Variants in EEFSEC observed in about 807,000 individuals in gnomAD.
The protein encoded by EEFSEC is selenocysteine-specific elongation factor.
A neutral mutation model predicts 42.1 loss-of-function variants in EEFSEC; 43 were observed. That is an observed-to-expected ratio of 1.02 (90% CI 0.80 to 1.32). EEFSEC has a LOEUF of 1.32. Ranked by LOEUF, EEFSEC falls within the 40% of genes most tolerant of loss-of-function variation. EEFSEC has a pLI of 0.00. For synonymous variants in EEFSEC, 354 were observed against 339.1 expected (o/e 1.04, Z -0.48); for missense variants, 745 against 803.6 (o/e 0.93, Z 0.88).
intron 1 of EEFSEC, among the ~76,000 whole-genome samples, chr3:128,204,727 T>G (rs537638161): frequency 2.6e-5 from 4 of 152,142 alleles, no homozygotes; most frequent in Admixed American, 6.5e-5. Flanking sequence ...GGATGCCGCC[T>G]TCCCCAGGGC....
At chr3:128,354,193 C>T (rs1365008960) in intron 5 of EEFSEC, among the ~76,000 whole-genome samples, 1 of 152,164 alleles carries the variant, frequency 6.6e-6, no homozygotes, top group South Asian at 2.1e-4. Context: ...CCTGCCCTCA[C>T]GGTGCCTCCC....
intron 1 of EEFSEC, among the ~76,000 whole-genome samples, chr3:128,200,180 C>G (rs1328687172): frequency 6.6e-6 from 1 of 152,222 alleles, no homozygotes; most frequent in Non-Finnish European, 1.5e-5. Context: ...AGTCTAGCTT[C>G]AAGATCAGTC....
chr3:128,205,872 CA>C (rs1307322848), intron 1 of EEFSEC, among the ~76,000 whole-genome samples: 2 of 152,186 alleles, frequency 1.3e-5, no homozygotes, highest in Non-Finnish European at 2.9e-5. Flanking sequence ...TAGTGCATTA[CA>C]ATTATATGCC....
At chr3:128,284,484 G>A (rs1241249759) in intron 4 of EEFSEC, among the ~76,000 whole-genome samples, 4 of 152,074 alleles carry the variant, frequency 2.6e-5, no homozygotes, top group East Asian at 1.9e-4. Flanking sequence ...CTGGCACTGT[G>A]CAGGCCACCA....
intron 6 of EEFSEC, among the ~76,000 whole-genome samples, chr3:128,394,700 C>A (rs1462977195): frequency 6.6e-6 from 1 of 152,180 alleles, no homozygotes; most frequent in Non-Finnish European, 1.5e-5. Flanking sequence ...AGGAACCATG[C>A]TCCCCCAATG....
At chr3:128,327,501 T>TC (rs1484291083) in intron 4 of EEFSEC, among the ~76,000 whole-genome samples, 3 of 152,206 alleles carry the variant, frequency 2.0e-5, no homozygotes, top group Admixed American at 2.0e-4. Context: ...GGCCATGGCT[T>TC]CCCCCACATC....
At chr3:128,363,915 C>T (rs1191257155) in intron 6 of EEFSEC, among the ~76,000 whole-genome samples, 1 of 152,158 alleles carries the variant, frequency 6.6e-6, no homozygotes, top group Non-Finnish European at 1.5e-5. Context: ...AGAACCTCAG[C>T]AATGCGGGCA....
intron 4 of EEFSEC, among the ~76,000 whole-genome samples, chr3:128,300,541 G>GAA (rs35286505): frequency 1.4e-4 from 12 of 86,084 alleles, no homozygotes; most frequent in Admixed American, 3.8e-4. Context: ...GACTCTGTCT[G>GAA]AAAAAAAAAA....
At chr3:128,385,641 A>C (rs1404234195) in intron 6 of EEFSEC, among the ~76,000 whole-genome samples, 1 of 152,234 alleles carries the variant, frequency 6.6e-6, no homozygotes, top group Non-Finnish European at 1.5e-5. Flanking sequence ...TGACTGTTTT[A>C]TATGAGTTAC....
rs2066136632 is a variant in EEFSEC, at chr3:128,247,098, C to T, written c.524+55C>T. 3 of 1,562,844 alleles carry T rather than the reference C, an allele frequency of 1.9e-6. No individual in the cohort carries two copies. In the African/African-American group the frequency reaches 4.1e-5, roughly 21 times the overall value. ...TGCATAAGAAGGCTTCTGGGGCCTCCCATGTTCATTTCACAAACATGAATT... is the reference window on the plus strand; with the variant it reads ...TGCATAAGAAGGCTTCTGGGGCCTCTCATGTTCATTTCACAAACATGAATT... On this transcript the variant is annotated intron_variant, in intron 2 of 6. Coordinates refer to ENST00000254730, the MANE Select transcript of EEFSEC (RefSeq NM_021937.5).
chr3:128,405,849 C>T (rs1206392722), intron 6 of EEFSEC, among the ~76,000 whole-genome samples: 2 of 152,254 alleles, frequency 1.3e-5, no homozygotes, highest in African/African-American at 4.8e-5. Context: ...AGGTTCCCAG[C>T]CTGTACAGGC....
At chr3:128,257,858 GC>G (rs2066257715) in intron 2 of EEFSEC, among the ~76,000 whole-genome samples, 1 of 152,164 alleles carries the variant, frequency 6.6e-6, no homozygotes, top group Admixed American at 6.5e-5. Context: ...TGGAGGTTTG[GC>G]ATGCTAGGAG....
intron 4 of EEFSEC, among the ~76,000 whole-genome samples, chr3:128,280,786 T>C (rs2066517725): frequency 1.3e-5 from 2 of 152,346 alleles, no homozygotes; most frequent in African/African-American, 4.8e-5. Flanking sequence ...TCTCCTTCAC[T>C]AGCCGCCCTG....
At chr3:128,280,178 A>G (rs1343140865) in intron 4 of EEFSEC, among the ~76,000 whole-genome samples, 3 of 152,234 alleles carry the variant, frequency 2.0e-5, no homozygotes, top group Non-Finnish European at 4.4e-5. Flanking sequence ...ATACAAATGC[A>G]TCAAAAAATC....
At chr3:128,390,436 G>A (rs1001816638) in intron 6 of EEFSEC, among the ~76,000 whole-genome samples, 4 of 152,218 alleles carry the variant, frequency 2.6e-5, no homozygotes, top group Non-Finnish European at 5.9e-5. Context: ...AGGTAGAGGG[G>A]GTTAGAGCTT....
intron 4 of EEFSEC, among the ~76,000 whole-genome samples, chr3:128,329,462 T>C (rs2067102571): frequency 6.7e-6 from 1 of 148,836 alleles, no homozygotes; most frequent in Non-Finnish European, 1.5e-5. Context: ...AGGCAGGAGC[T>C]AAAGGCATGG....
intron 4 of EEFSEC, among the ~76,000 whole-genome samples, chr3:128,270,683 A>G (rs2066404391): frequency 6.6e-6 from 1 of 152,230 alleles, no homozygotes. Context: ...ACAAGCCTGC[A>G]GTCTTGACTC....
At chr3:128,252,310 T>G (rs2066195528) in intron 2 of EEFSEC, among the ~76,000 whole-genome samples, 1 of 152,232 alleles carries the variant, frequency 6.6e-6, no homozygotes, top group African/African-American at 2.4e-5. Context: ...TGTGGCTGAC[T>G]AACTGTGTGT....
intron 1 of EEFSEC, among the ~76,000 whole-genome samples, chr3:128,180,690 T>C (rs1316561911): frequency 6.6e-6 from 1 of 152,160 alleles, no homozygotes; most frequent in Non-Finnish European, 1.5e-5. Context: ...CCTGCATCGA[T>C]GGGACCAGGC....
Sources: allele counts gnomAD v4.1 joint callset (sites outside exome capture counted in the v4.1 genomes callset), GRCh38; gene constraint gnomAD v4.1.1; transcripts MANE v1.5; gene names NCBI Gene and HGNC (gene_info 2026-07-23, HGNC 2026-07-21).